TMTC1: variants seen among roughly 807,000 people sequenced by gnomAD.
TMTC1 encodes the protein transmembrane O-mannosyltransferase targeting cadherins 1, also known as protein O-mannosyl-transferase TMTC1.
In TMTC1, 73 loss-of-function variants were observed where a neutral mutation model predicts 104.8. That is an observed-to-expected ratio of 0.70 (90% CI 0.58 to 0.85). The LOEUF (loss-of-function observed/expected upper bound fraction) is 0.85. Ranked by LOEUF, TMTC1 falls within the 40% of genes least tolerant of loss-of-function variation. The pLI is 0.00. For synonymous variants in TMTC1, 434 were observed against 428.7 expected (o/e 1.01, Z -0.15); for missense variants, 1,035 against 1,096.1 (o/e 0.94, Z 0.79).
intron 5 of TMTC1, among the ~76,000 whole-genome samples, chr12:29,725,935 C>A (rs1942376874): frequency 6.6e-6 from 1 of 152,174 alleles, no homozygotes; most frequent in African/African-American, 2.4e-5. Context: ...ACATTCTAAT[C>A]CTAAAGACAG....
chr12:29,512,577 A>C (rs1943869934), intron 16 of TMTC1, among the ~76,000 whole-genome samples: 1 of 152,214 alleles, frequency 6.6e-6, no homozygotes, highest in African/African-American at 2.4e-5. Flanking sequence ...CGTTCAGCCT[A>C]TGCTGAAATT....
intron 5 of TMTC1, among the ~76,000 whole-genome samples, chr12:29,703,974 G>C (rs2194818): frequency 0.091 from 13,814 of 152,166 alleles, 819 homozygotes; most frequent in Middle Eastern, 0.17. Context: ...CTGAATCATG[G>C]GGTCAGGTTT....
At chr12:29,615,740 T>C (rs1946960520) in intron 6 of TMTC1, among the ~76,000 whole-genome samples, 1 of 152,228 alleles carries the variant, frequency 6.6e-6, no homozygotes, top group South Asian at 2.1e-4. Flanking sequence ...CTTAGGTTAC[T>C]GTTGCCTTGT....
At position 29,501,850 on chromosome 12, in the gene TMTC1, T is replaced by C. The variant is rs1009050461; in HGVS notation, c.*4996A>G. ...ATCAGCCAATTGATTGTTATAAAGATCTTATCAATTCTGTTGTGCCACTTT... is the reference window on the plus strand; with the variant it reads ...ATCAGCCAATTGATTGTTATAAAGACCTTATCAATTCTGTTGTGCCACTTT... On this transcript the variant is annotated 3_prime_UTR_variant, in exon 18 of 18. Transcript: ENST00000539277. The C allele has an allele frequency of 6.6e-6, 1 of 152,204 alleles. No homozygotes were observed. Among genetic ancestry groups the C allele is most frequent in the Non-Finnish European group, 1.5e-5 (1 of 68,036 alleles). 9.4% of individuals were successfully genotyped at this position (152,204 alleles called of 1,614,324 possible). A position where few individuals can be genotyped will look rare whatever the true frequency, so the allele number is the denominator to read the frequency against.
intron 5 of TMTC1, among the ~76,000 whole-genome samples, chr12:29,722,580 T>G (rs1942265645): frequency 6.6e-6 from 1 of 152,170 alleles, no homozygotes; most frequent in South Asian, 2.1e-4. Flanking sequence ...ATGGTATGAT[T>G]GTATATGTCG....
intron 1 of TMTC1, among the ~76,000 whole-genome samples, chr12:29,778,227 G>A (rs1315738262): frequency 6.6e-6 from 1 of 152,094 alleles, no homozygotes; most frequent in Non-Finnish European, 1.5e-5. Flanking sequence ...AAAGAATCAG[G>A]ATTTTAAAGT....
intron 8 of TMTC1, among the ~76,000 whole-genome samples, chr12:29,581,227 A>G (rs1393000566): frequency 5.9e-5 from 9 of 152,204 alleles, no homozygotes; most frequent in Admixed American, 2.0e-4. Flanking sequence ...TGACCTGAAC[A>G]TTACTTAGCA....
At position 29,772,063 on chromosome 12, in the gene TMTC1, T is replaced by A. The variant is rs560485188; in HGVS notation, c.303-3988A>T. Among the ~76,000 whole-genome samples, 4 of 152,330 alleles carry A rather than the reference T, an allele frequency of 2.6e-5. No individual in the cohort carries two copies. In the South Asian group the frequency reaches 8.3e-4, roughly 32 times the overall value. On this transcript the variant is annotated intron_variant, in intron 1 of 17. Coordinates refer to ENST00000539277, the MANE Select transcript of TMTC1 (RefSeq NM_001193451.2). ...GTAGCTCCCTAAGGGGAAACTACAATCCAATAAAGATGTTGCAAACTGTCT... is the reference window on the plus strand; with the variant it reads ...GTAGCTCCCTAAGGGGAAACTACAAACCAATAAAGATGTTGCAAACTGTCT...
chr12:29,504,032 C>T lies in TMTC1; in HGVS notation c.*2814G>A, dbSNP rs1459774207. On this transcript the variant is annotated 3_prime_UTR_variant, in exon 18 of 18. Coordinates refer to ENST00000539277, the MANE Select transcript of TMTC1 (RefSeq NM_001193451.2). ...CAGGGAGGTCGAGGCTACAGTGAGC[C>T]ATGTTTGTGCCACTGAACTCCATCC... 4 of 151,962 alleles carry T rather than the reference C, an allele frequency of 2.6e-5. No individual in the cohort carries two copies. Among genetic ancestry groups the T allele is most frequent in the Admixed American group, 2.0e-4 (3 of 15,234 alleles). The allele number at this position is 151,962 out of a possible 1,614,324, so 9.4% of individuals were successfully genotyped here.
At chr12:29,750,688 A>T (rs1943068893) in intron 5 of TMTC1, among the ~76,000 whole-genome samples, 1 of 152,236 alleles carries the variant, frequency 6.6e-6, no homozygotes, top group Non-Finnish European at 1.5e-5. Flanking sequence ...GTAAAGTGCT[A>T]ATCTTATGAA....
chr12:29,559,811 C>G (rs1158586030), intron 9 of TMTC1, among the ~76,000 whole-genome samples: 1 of 152,192 alleles, frequency 6.6e-6, no homozygotes, highest in East Asian at 1.9e-4. Context: ...CTTTCTCTCT[C>G]TGGGTATCTG....
intron 5 of TMTC1, among the ~76,000 whole-genome samples, chr12:29,748,153 C>A (rs1010159053): frequency 2.0e-5 from 3 of 152,114 alleles, no homozygotes; most frequent in Admixed American, 1.3e-4. Flanking sequence ...ACCATAAATA[C>A]ATTAACTTAG....
chr12:29,598,847 G>A (rs559757501), intron 7 of TMTC1, among the ~76,000 whole-genome samples: 8 of 152,244 alleles, frequency 5.3e-5, no homozygotes, highest in South Asian at 2.1e-4. Flanking sequence ...AGTTTCCTAC[G>A]TATATAAATT....
chr12:29,771,290 G>A (rs1943588963), intron 1 of TMTC1, among the ~76,000 whole-genome samples: 1 of 152,104 alleles, frequency 6.6e-6, no homozygotes, highest in African/African-American at 2.4e-5. Context: ...ATAGTGGTAA[G>A]AATAAAGGCT....
chr12:29,771,540 C>T (rs1194592489), intron 1 of TMTC1, among the ~76,000 whole-genome samples: 2 of 152,148 alleles, frequency 1.3e-5, no homozygotes, highest in South Asian at 2.1e-4. Flanking sequence ...AGAAGTAAGA[C>T]GTGGCATCTG....
intron 5 of TMTC1, among the ~76,000 whole-genome samples, chr12:29,688,379 T>G (rs1941161558): frequency 6.6e-6 from 1 of 152,228 alleles, no homozygotes; most frequent in South Asian, 2.1e-4. Flanking sequence ...TTGCTGCCAT[T>G]GTGATTCTAC....
chr12:29,659,850 C>T, intron 5 of TMTC1: 2 of 1,476,630 alleles, frequency 1.4e-6, no homozygotes, highest in Non-Finnish European at 1.8e-6. Flanking sequence ...CTAATAAATA[C>T]CAAGTTTTAA....
rs559479323 is a variant in TMTC1, at chr12:29,504,137, G to A, written c.*2709C>T. ...ATCAAACAGACATTCAACTGAGCTC[G>A]GGGTGCTTCTGTATGCAAGGCCCTG... is the stretch of plus-strand genomic sequence containing the variant. On this transcript the variant is annotated 3_prime_UTR_variant, in exon 18 of 18. Coordinates refer to ENST00000539277, the MANE Select transcript of TMTC1 (RefSeq NM_001193451.2). 4.6e-5 allele frequency: 7 copies of A among 151,550 alleles called. No individual in the cohort carries two copies. Among genetic ancestry groups the A allele is most frequent in the East Asian group, 1.9e-4 (1 of 5,150 alleles). 9.4% of individuals were successfully genotyped at this position (151,550 alleles called of 1,614,324 possible).
intron 7 of TMTC1, among the ~76,000 whole-genome samples, chr12:29,585,594 A>G (rs1189329447): frequency 6.6e-6 from 1 of 152,206 alleles, no homozygotes; most frequent in Admixed American, 6.5e-5. Flanking sequence ...TAAGTCTTTA[A>G]TCCATCTTGA....
Sources: gnomAD v4.1 joint callset for allele counts (sites outside exome capture counted in the v4.1 genomes callset) on GRCh38, gnomAD v4.1.1 for gene constraint, MANE v1.5 for transcripts, NCBI Gene and HGNC (gene_info 2026-07-23, HGNC 2026-07-21) for gene names.